PSD3: variants seen among roughly 807,000 people sequenced by gnomAD.
The protein encoded by PSD3 is pleckstrin and Sec7 domain containing 3, also known as PH and SEC7 domain-containing protein 3.
PSD3 carries 49 observed loss-of-function variants against 105.5 expected under a neutral mutation model. The observed-to-expected ratio is 0.46, with a 90% CI of 0.37 to 0.59. The LOEUF is 0.59. Ranked by LOEUF, PSD3 falls within the 20% of genes least tolerant of loss-of-function variation. The pLI is 0.00. For missense variants in PSD3, 1,561 were observed against 1,263.8 expected, an observed-to-expected ratio of 1.24 and a Z score of -3.57; for synonymous variants, 557 against 457.8, an observed-to-expected ratio of 1.22 and a Z score of -2.77.
In PSD3 at chr8:18,913,798, C is replaced by T. The variant is rs532713848; in HGVS notation, c.130+22236G>A. 3.3e-5 allele frequency among the ~76,000 whole-genome samples: 5 copies of T among 152,030 alleles called. No homozygotes were observed. The South Asian group carries it at 1.0e-3, about 32-fold the overall frequency. ...GGATGGTCCCCACAAACTAAAGATCCTACCTCTACCACTACAGACTCAGGC... is the reference window on the plus strand; with the variant it reads ...GGATGGTCCCCACAAACTAAAGATCTTACCTCTACCACTACAGACTCAGGC... On this transcript the variant is annotated intron_variant, in intron 2 of 15. Transcript: ENST00000327040.
chr8:18,750,698 C>G (rs113539338), intron 9 of PSD3, among the ~76,000 whole-genome samples: 2 of 151,854 alleles, frequency 1.3e-5, no homozygotes, highest in African/African-American at 4.8e-5. Flanking sequence ...CTGAGTGGTG[C>G]GTTTACAATC....
At chr8:18,737,997 C>G (rs1326483704) in intron 9 of PSD3, among the ~76,000 whole-genome samples, 1 of 152,128 alleles carries the variant, frequency 6.6e-6, no homozygotes, top group East Asian at 1.9e-4. Context: ...GCAGATGACA[C>G]CAACTAGAAG....
intron 2 of PSD3, among the ~76,000 whole-genome samples, chr8:18,876,471 T>C (rs930611407): frequency 6.6e-6 from 1 of 152,136 alleles, no homozygotes; most frequent in Non-Finnish European, 1.5e-5. Flanking sequence ...ACTGCAGCCC[T>C]GACCTCCTGG....
chr8:18,851,886 T>A (rs1277497564), intron 4 of PSD3, among the ~76,000 whole-genome samples: 1 of 152,206 alleles, frequency 6.6e-6, no homozygotes, highest in Non-Finnish European at 1.5e-5. Context: ...ACCGTTGGCA[T>A]TGTATTCCTT....
At position 18,997,488 on chromosome 8, in the gene PSD3, C is replaced by A. The variant is rs566192393; in HGVS notation, c.21+16075G>T. ...GTTTTCCTACTTCCACTCTTCCCCGCTTCAGTCTATTCTCATGAGACACAG... is the reference window on the plus strand; with the variant it reads ...GTTTTCCTACTTCCACTCTTCCCCGATTCAGTCTATTCTCATGAGACACAG... On this transcript the variant is annotated intron_variant, in intron 1 of 15. Coordinates refer to ENST00000327040, the MANE Select transcript of PSD3 (RefSeq NM_015310.4). Among the ~76,000 whole-genome samples, 7 of 152,106 alleles carry A rather than the reference C, an allele frequency of 4.6e-5. No homozygotes were observed. In the South Asian group the frequency reaches 1.3e-3, roughly 27 times the overall value.
intron 2 of PSD3, among the ~76,000 whole-genome samples, chr8:18,896,836 G>A (rs1201637376): frequency 6.6e-6 from 1 of 151,956 alleles, no homozygotes; most frequent in Non-Finnish European, 1.5e-5. Context: ...TTGAGACAGA[G>A]TTTTGCTCTT....
intron 11 of PSD3, among the ~76,000 whole-genome samples, chr8:18,601,615 T>G (rs1345104605): frequency 7.9e-5 from 12 of 152,208 alleles, no homozygotes; most frequent in African/African-American, 2.4e-5. Context: ...CCTGCAGGTT[T>G]CCAAGGGAGA....
chr8:18,913,086 A>AAC (rs72253853), intron 2 of PSD3, among the ~76,000 whole-genome samples: 36,096 of 130,236 alleles, frequency 0.28, 4,444 homozygotes, highest in Middle Eastern at 0.39. Flanking sequence ...CACACACACA[A>AAC]ACACACACAC....
intron 8 of PSD3, among the ~76,000 whole-genome samples, chr8:18,777,137 G>A (rs1236077278): frequency 1.3e-5 from 2 of 151,994 alleles, no homozygotes; most frequent in African/African-American, 4.8e-5. Flanking sequence ...CTGCCTCCTG[G>A]GTTCAAGCAA....
At chr8:18,779,864 G>C (rs1048710013) in intron 8 of PSD3, among the ~76,000 whole-genome samples, 1 of 152,156 alleles carries the variant, frequency 6.6e-6, no homozygotes, top group Non-Finnish European at 1.5e-5. Flanking sequence ...CTAGCCTCAA[G>C]AATGTCCCAT....
intron 9 of PSD3, among the ~76,000 whole-genome samples, chr8:18,724,998 A>C (rs1036705294): frequency 2.6e-5 from 4 of 152,250 alleles, no homozygotes; most frequent in African/African-American, 9.6e-5. Context: ...TTTAAAAGAC[A>C]AAGTGAACAG....
intron 4 of PSD3, among the ~76,000 whole-genome samples, chr8:18,809,137 A>AG (rs1234650320): frequency 2.0e-5 from 3 of 152,308 alleles, no homozygotes; most frequent in African/African-American, 7.2e-5. Context: ...AAGACATTGC[A>AG]GCTCTAGTCT....
chr8:19,067,367 T>C (rs1158984608), intron 1 of PSD3, among the ~76,000 whole-genome samples: 1 of 152,144 alleles, frequency 6.6e-6, no homozygotes, highest in Non-Finnish European at 1.5e-5. Context: ...CATCCAAGGC[T>C]TCATTTGAGG....
At chr8:18,728,649 C>G (rs1192949344) in intron 9 of PSD3, among the ~76,000 whole-genome samples, 1 of 152,152 alleles carries the variant, frequency 6.6e-6, no homozygotes, top group Non-Finnish European at 1.5e-5. Context: ...ACCAGACTTT[C>G]AAGGGCCAAG....
intron 11 of PSD3, among the ~76,000 whole-genome samples, chr8:18,613,157 G>A (rs1484498701): frequency 1.3e-5 from 2 of 152,094 alleles, no homozygotes; most frequent in Non-Finnish European, 2.9e-5. Flanking sequence ...AGGCAGCCAA[G>A]GACCCCTCCT....
intron 9 of PSD3, among the ~76,000 whole-genome samples, chr8:18,669,455 C>T (rs1799658767): frequency 6.6e-6 from 1 of 152,200 alleles, no homozygotes; most frequent in Admixed American, 6.5e-5. Context: ...ACTACTCTTG[C>T]ACTTTGCAGC....
intron 9 of PSD3, among the ~76,000 whole-genome samples, chr8:18,677,758 T>C (rs758400017): frequency 1.4e-4 from 22 of 152,148 alleles, no homozygotes; most frequent in Non-Finnish European, 3.1e-4. Flanking sequence ...ACGCCTGTAA[T>C]CTCAGCACTG....
At chr8:18,572,022 C>G (rs1298680206) in intron 14 of PSD3, among the ~76,000 whole-genome samples, 1 of 152,188 alleles carries the variant, frequency 6.6e-6, no homozygotes, top group African/African-American at 2.4e-5. Context: ...TTCTGGTATA[C>G]TTTATCTTCA....
intron 8 of PSD3, among the ~76,000 whole-genome samples, chr8:18,790,602 A>C (rs1167197731): frequency 2.0e-5 from 3 of 152,074 alleles, no homozygotes; most frequent in African/African-American, 7.2e-5. Flanking sequence ...ACGCCTGGCC[A>C]ACATTCTTCT....
Sources: allele counts gnomAD v4.1 joint callset (sites outside exome capture counted in the v4.1 genomes callset), GRCh38; gene constraint gnomAD v4.1.1; transcripts MANE v1.5; gene names NCBI Gene and HGNC (gene_info 2026-07-23, HGNC 2026-07-21).